CLCN3: variants seen among roughly 807,000 people sequenced by gnomAD.
CLCN3 encodes the protein Cl-/H+ antiporter 3, also known as H(+)/Cl(-) exchange transporter 3.
A neutral mutation model predicts 83.4 loss-of-function variants in CLCN3; 16 were observed. The ratio of observed to expected loss-of-function variants is 0.19; its 90% CI spans 0.13 to 0.29. The LOEUF (loss-of-function observed/expected upper bound fraction) is 0.29. Ranked by LOEUF, CLCN3 falls within the 10% of genes least tolerant of loss-of-function variation. CLCN3 has a pLI of 1.00. For missense variants in CLCN3, 544 were observed against 1,006.0 expected, an observed-to-expected ratio of 0.54 and a Z score of 6.21; for synonymous variants, 322 against 346.2, an observed-to-expected ratio of 0.93 and a Z score of 0.78.
chr4:169,660,405 CG>C (rs1731013274), intron 2 of CLCN3: 2 of 1,403,060 alleles, frequency 1.4e-6, no homozygotes, highest in Non-Finnish European at 1.8e-6. Flanking sequence ...TGCCTTATGA[CG>C]GGGGAGGAGA....
chr4:169,706,794 A>G, intron 10 of CLCN3, 74 bp from the exon 11 acceptor site: 1 of 1,298,158 alleles, frequency 7.7e-7, no homozygotes, highest in South Asian at 1.4e-5. Flanking sequence ...TTAACTGCCT[A>G]GTGCAAAAAT....
chr4:169,690,798 G>T, intron 6 of CLCN3, 146 bp downstream of exon 6: 1 of 591,784 alleles, frequency 1.7e-6, no homozygotes, highest in Non-Finnish European at 2.8e-6. Context: ...ATAAGCTGAT[G>T]GTAGACATCA....
At chr4:169,646,606 A>T (rs888312702) in intron 2 of CLCN3, among the ~76,000 whole-genome samples, 4 of 152,128 alleles carry the variant, frequency 2.6e-5, no homozygotes, top group Non-Finnish European at 4.4e-5. Context: ...CTTTTAAATT[A>T]TCGAACTAAT....
In CLCN3 at chr4:169,643,418, C is replaced by T. The variant is rs550034685; in HGVS notation, c.160+7330C>T. 3.3e-5 allele frequency among the ~76,000 whole-genome samples: 5 copies of T among 151,908 alleles called. No individual in the cohort carries two copies. In the South Asian group the frequency reaches 6.2e-4, roughly 19 times the overall value. ...GCTAATTTTTTGTATTTAGTAGAGA[C>T]GGGGTTTCACCATGTTAGTCAAGCT... On this transcript the variant is annotated intron_variant, in intron 2 of 12. Coordinates refer to ENST00000513761, the MANE Select transcript of CLCN3 (RefSeq NM_001829.4).
At chr4:169,649,295 A>G (rs1379978335) in intron 2 of CLCN3, among the ~76,000 whole-genome samples, 2 of 152,232 alleles carry the variant, frequency 1.3e-5, no homozygotes, top group African/African-American at 4.8e-5. Context: ...CAAGGTCTAA[A>G]TAATACATGT....
At chr4:169,684,810 A>G (rs1732089934) in intron 3 of CLCN3, among the ~76,000 whole-genome samples, 1 of 152,066 alleles carries the variant, frequency 6.6e-6, no homozygotes. Flanking sequence ...TCTGAACATC[A>G]CAAACATAGT....
chr4:169,680,124 A>C lies in CLCN3; in HGVS notation c.235A>C (p.Ile79Leu), dbSNP rs761808392. 3.1e-6 allele frequency: 5 copies of C among 1,612,382 alleles called. No individual in the cohort carries two copies. Among genetic ancestry groups the C allele is most frequent in the African/African-American group, 2.7e-5 (2 of 74,906 alleles). Residue 79 changes from isoleucine to leucine, a missense_variant, in exon 3 of 13, where the codon ATT (isoleucine) becomes CTT (leucine). Transcript: ENST00000513761. Reference protein sequence around the residue: ...THLLDLLDEPIPGVGTYDDFH... With the variant: ...THLLDLLDEPLPGVGTYDDFH... ...TTTACTGGATCTTTTGGATGAACCA[A>C]TTCCAGGTGTTGGTACATATGATGA...
chr4:169,631,962 G>A (rs1013618439), intron 1 of CLCN3, among the ~76,000 whole-genome samples: 1 of 149,518 alleles, frequency 6.7e-6, no homozygotes, highest in Non-Finnish European at 1.5e-5. Context: ...TGGACCAGAT[G>A]TATTCATAGC....
chr4:169,688,041 G>A (rs996760914), intron 4 of CLCN3, among the ~76,000 whole-genome samples: 1 of 152,108 alleles, frequency 6.6e-6, no homozygotes, highest in Non-Finnish European at 1.5e-5. Context: ...AGTATCTTTT[G>A]ATATTAACAT....
intron 2 of CLCN3, among the ~76,000 whole-genome samples, chr4:169,674,775 G>A (rs978582175): frequency 1.3e-5 from 2 of 151,450 alleles, no homozygotes; most frequent in Non-Finnish European, 2.9e-5. Context: ...TTTTGGAGAC[G>A]AGTTTTGCTC....
intron 2 of CLCN3, among the ~76,000 whole-genome samples, chr4:169,660,820 C>T (rs1731032079): frequency 6.6e-6 from 1 of 152,136 alleles, no homozygotes. Context: ...TTAATTTACA[C>T]AGAGAAATCA....
At position 169,620,589 on chromosome 4, in the gene CLCN3, C is replaced by G. The variant is rs562969399; in HGVS notation, c.-491C>G. The G allele has an allele frequency of 2.5e-6, 1 of 396,278 alleles. No individual in the cohort carries two copies. The highest frequency in any genetic ancestry group is 2.1e-5 in the African/African-American group (1 of 48,616). 24.5% of individuals were successfully genotyped at this position (396,278 alleles called of 1,614,324 possible). ...GACTCCTGCCGCTTCTCTTCCCCTT[C>G]CGTGGGTCAGGGCCGGTCCGGTCCG... is the stretch of plus-strand genomic sequence containing the variant. On this transcript the variant is annotated 5_prime_UTR_variant, in exon 1 of 13. Transcript: ENST00000513761.
At chr4:169,690,327 A>G (rs1732317485) in intron 5 of CLCN3, among the ~76,000 whole-genome samples, 1 of 151,362 alleles carries the variant, frequency 6.6e-6, no homozygotes, top group Admixed American at 6.6e-5. Flanking sequence ...TGTATTTTTA[A>G]TAGCAACGGG....
At chr4:169,704,322 T>C (rs1227727106) in intron 10 of CLCN3, 138 bp downstream of exon 10, 7 of 676,654 alleles carry the variant, frequency 1.0e-5, no homozygotes. Flanking sequence ...TTTTAACAGA[T>C]AAGAAACAGT....
At chr4:169,621,773 A>G (rs1581176267) in intron 1 of CLCN3, among the ~76,000 whole-genome samples, 1 of 152,168 alleles carries the variant, frequency 6.6e-6, no homozygotes, top group African/African-American at 2.4e-5. Flanking sequence ...AAATGCTTTT[A>G]CTTTCATCTT....
At chr4:169,679,532 A>T (rs1390374882) in intron 2 of CLCN3, among the ~76,000 whole-genome samples, 1 of 152,178 alleles carries the variant, frequency 6.6e-6, no homozygotes, top group Non-Finnish European at 1.5e-5. Context: ...TGGGAGGCCA[A>T]GGCAGGCGGC....
At chr4:169,671,321 A>G (rs1287495821) in intron 2 of CLCN3, among the ~76,000 whole-genome samples, 1 of 152,248 alleles carries the variant, frequency 6.6e-6, no homozygotes. Flanking sequence ...GCTGGAAGCC[A>G]TCATTCTCAG....
At chr4:169,645,656 C>T (rs1247446458) in intron 2 of CLCN3, among the ~76,000 whole-genome samples, 2 of 152,138 alleles carry the variant, frequency 1.3e-5, no homozygotes, top group Non-Finnish European at 2.9e-5. Flanking sequence ...TAGGTTTGAG[C>T]TTGTGCCTGG....
At chr4:169,717,947 C>A in intron 12 of CLCN3, 1 of 892,776 alleles carries the variant, frequency 1.1e-6, no homozygotes, top group Non-Finnish European at 1.8e-6. Flanking sequence ...TGAGTTCTGT[C>A]TTTCCCAGAT....
Sources: allele counts gnomAD v4.1 joint callset (sites outside exome capture counted in the v4.1 genomes callset), GRCh38; gene constraint gnomAD v4.1.1; transcripts MANE v1.5; gene names NCBI Gene and HGNC (gene_info 2026-07-23, HGNC 2026-07-21).